MAGI1: variants seen among roughly 807,000 people sequenced by gnomAD.
MAGI1 encodes the protein membrane-associated guanylate kinase, WW and PDZ domain-containing protein 1.
Under a neutral mutation model 139.9 loss-of-function variants are expected in MAGI1, and 58 were observed. That is an observed-to-expected ratio of 0.41 (90% CI 0.34 to 0.52). The LOEUF is 0.52. MAGI1 is among the 20% of genes least tolerant of loss of function. MAGI1 has a pLI of 0.12. For missense variants in MAGI1, 1,874 were observed against 1,901.6 expected (o/e 0.99, Z 0.27); for synonymous variants, 812 against 737.9 (o/e 1.10, Z -1.63).
At chr3:65,730,951 T>C (rs750968647) in intron 1 of MAGI1, among the ~76,000 whole-genome samples, 2 of 146,468 alleles carry the variant, frequency 1.4e-5, no homozygotes, top group Non-Finnish European at 3.0e-5. Flanking sequence ...GTTACCTCCA[T>C]TGTAGTTTTG....
intron 12 of MAGI1, among the ~76,000 whole-genome samples, chr3:65,410,030 C>T (rs1191574308): frequency 6.6e-6 from 1 of 152,156 alleles, no homozygotes; most frequent in Non-Finnish European, 1.5e-5. Flanking sequence ...CTTACAGAGC[C>T]TTTCACCTCA....
chr3:65,900,204 G>T (rs985959970), intron 1 of MAGI1, among the ~76,000 whole-genome samples: 4 of 152,068 alleles, frequency 2.6e-5, no homozygotes, highest in Admixed American at 6.6e-5. Flanking sequence ...ACGCAACATC[G>T]TGTCTTTCCT....
intron 1 of MAGI1, among the ~76,000 whole-genome samples, chr3:65,634,312 A>G (rs1452708452): frequency 5.3e-5 from 8 of 152,246 alleles, no homozygotes; most frequent in Admixed American, 3.9e-4. Flanking sequence ...TTCTTTCTAA[A>G]TTCAAGTTCT....
At chr3:65,990,660 T>C (rs1348024173) in intron 1 of MAGI1, among the ~76,000 whole-genome samples, 1 of 152,124 alleles carries the variant, frequency 6.6e-6, no homozygotes, top group Non-Finnish European at 1.5e-5. Flanking sequence ...CTGGACCTGC[T>C]CAGAAAGAGA....
At chr3:65,770,971 G>T (rs930744116) in intron 1 of MAGI1, among the ~76,000 whole-genome samples, 7 of 151,810 alleles carry the variant, frequency 4.6e-5, no homozygotes, top group Non-Finnish European at 1.0e-4. Context: ...GATTACAAAC[G>T]CAAGCCACTA....
intron 1 of MAGI1, among the ~76,000 whole-genome samples, chr3:65,830,946 T>C (rs1213092154): frequency 1.3e-5 from 2 of 152,194 alleles, no homozygotes; most frequent in Admixed American, 6.5e-5. Flanking sequence ...ACACAGTATC[T>C]TTAAAATGTA....
chr3:65,986,291 A>T (rs1359626643), intron 1 of MAGI1, among the ~76,000 whole-genome samples: 1 of 152,230 alleles, frequency 6.6e-6, no homozygotes, highest in African/African-American at 2.4e-5. Context: ...AGATTGTCTT[A>T]TCTTAGTAGA....
chr3:65,401,607 C>A lies in MAGI1; in HGVS notation c.2168-137G>T, dbSNP rs532965135. 7.3e-5 allele frequency: 113 copies of A among 1,551,058 alleles called. 1 individual carries two copies. In the African/African-American group the frequency reaches 1.4e-3, roughly 20 times the overall value. On this transcript the variant is annotated intron_variant, in intron 12 of 22. Coordinates refer to ENST00000402939, the MANE Select transcript of MAGI1 (RefSeq NM_001033057.2). ...AGAGTTATGTCAGATTTCTCCCCAG[C>A]ATCGGAGTTACCAGGCTGTTCATAT... is the stretch of plus-strand genomic sequence containing the variant.
chr3:65,654,608 G>A (rs1009799707), intron 1 of MAGI1, among the ~76,000 whole-genome samples: 3 of 151,996 alleles, frequency 2.0e-5, no homozygotes, highest in Admixed American at 6.6e-5. Context: ...GTGTGCTAGT[G>A]ACATATGAGT....
chr3:65,750,506 ATTTG>A (rs2036058987), intron 1 of MAGI1, among the ~76,000 whole-genome samples: 1 of 152,230 alleles, frequency 6.6e-6, no homozygotes, highest in African/African-American at 2.4e-5. Flanking sequence ...TAGTGATTTG[ATTTG>A]TTTAACAAAT....
chr3:65,361,768 T>C (rs1214257933), intron 21 of MAGI1, among the ~76,000 whole-genome samples: 2 of 152,212 alleles, frequency 1.3e-5, no homozygotes, highest in Non-Finnish European at 2.9e-5. Flanking sequence ...TCTGTCTTAC[T>C]TGCCCTCTTT....
intron 1 of MAGI1, among the ~76,000 whole-genome samples, chr3:65,778,804 T>A (rs1364031832): frequency 6.6e-6 from 1 of 152,234 alleles, no homozygotes; most frequent in East Asian, 1.9e-4. Context: ...ACAACTCGCA[T>A]CTTGGATCAA....
chr3:65,911,540 T>G (rs922477168), intron 1 of MAGI1, among the ~76,000 whole-genome samples: 2 of 152,172 alleles, frequency 1.3e-5, no homozygotes, highest in African/African-American at 4.8e-5. Flanking sequence ...GGGTAGATTT[T>G]TTTTGCACTT....
chr3:65,705,327 G>A (rs2030011275), intron 1 of MAGI1, among the ~76,000 whole-genome samples: 1 of 152,176 alleles, frequency 6.6e-6, no homozygotes, highest in African/African-American at 2.4e-5. Flanking sequence ...CAGCTATGAT[G>A]TGCTTTTTGA....
intron 1 of MAGI1, among the ~76,000 whole-genome samples, chr3:65,931,004 A>C (rs1335623435): frequency 6.6e-6 from 1 of 151,922 alleles, no homozygotes; most frequent in Non-Finnish European, 1.5e-5. Context: ...TGCTCTGCCT[A>C]CGAAGTAGCT....
rs577507325 is a variant in MAGI1, at chr3:65,996,795, T to A, written c.313+41201A>T. Among the ~76,000 whole-genome samples the A allele has an allele frequency of 2.0e-5, 3 of 152,364 alleles. No individual in the cohort carries two copies. In the East Asian group the frequency reaches 5.8e-4, roughly 29 times the overall value. On this transcript the variant is annotated intron_variant, in intron 1 of 22. Coordinates refer to ENST00000402939, the MANE Select transcript of MAGI1 (RefSeq NM_001033057.2). ...GCACTCACGAAGTTTCATATCATTCTTTCTAGGTTAGTTCTGATGAAATCA... is the reference window on the plus strand; with the variant it reads ...GCACTCACGAAGTTTCATATCATTCATTCTAGGTTAGTTCTGATGAAATCA...
chr3:65,693,131 G>A (rs755209623), intron 1 of MAGI1, among the ~76,000 whole-genome samples: 23 of 152,074 alleles, frequency 1.5e-4, no homozygotes, highest in Non-Finnish European at 2.9e-4. Context: ...TTTTTATACA[G>A]ATGGGGTCTC....
chr3:65,511,188 T>C (rs1161369072), intron 2 of MAGI1, among the ~76,000 whole-genome samples: 5 of 150,288 alleles, frequency 3.3e-5, no homozygotes, highest in African/African-American at 4.9e-5. Context: ...CGGTACCAGC[T>C]GCTGCAAAAT....
chr3:65,380,367 C>T (rs1942946366), intron 16 of MAGI1, among the ~76,000 whole-genome samples: 1 of 152,138 alleles, frequency 6.6e-6, no homozygotes, highest in Non-Finnish European at 1.5e-5. Flanking sequence ...ATAAGCATAA[C>T]AAATTTTTAA....
Sources: allele counts gnomAD v4.1 joint callset (sites outside exome capture counted in the v4.1 genomes callset), GRCh38; gene constraint gnomAD v4.1.1; transcripts MANE v1.5; gene names NCBI Gene and HGNC (gene_info 2026-07-23, HGNC 2026-07-21).